Variants in AADACL2 observed in about 807,000 individuals in gnomAD.
AADACL2 encodes the protein arylacetamide deacetylase like 2.
A neutral mutation model predicts 22.3 loss-of-function variants in AADACL2; 23 were observed. The ratio of observed to expected loss-of-function variants is 1.03; its 90% confidence interval spans 0.74 to 1.46. The LOEUF is 1.46. Ranked by LOEUF, AADACL2 falls within the 40% of genes most tolerant of loss-of-function variation. The pLI is 0.00. For missense variants in AADACL2, 472 were observed against 482.9 expected (o/e 0.98, Z 0.21); for synonymous variants, 177 against 166.2 (o/e 1.07, Z -0.50).
intron 4 of AADACL2, among the ~76,000 whole-genome samples, chr3:151,746,123 G>C (rs556727979): frequency 6.6e-6 from 1 of 151,976 alleles, no homozygotes; most frequent in South Asian, 2.1e-4. Context: ...CAATTTCTCA[G>C]CAATATTTTA....
At chr3:151,752,885 G>A (rs1320890984) in intron 4 of AADACL2, among the ~76,000 whole-genome samples, 1 of 151,962 alleles carries the variant, frequency 6.6e-6, no homozygotes, top group Non-Finnish European at 1.5e-5. Context: ...TGTATCATTT[G>A]TCATAAGGTG....
chr3:151,734,266 A>G (rs1713020615), intron 1 of AADACL2, 93 bp downstream of exon 1: 2 of 1,331,626 alleles, frequency 1.5e-6, no homozygotes, highest in Non-Finnish European at 2.0e-6. Context: ...TAGTATTAAT[A>G]TCACCATTTT....
At chr3:151,741,042 G>A (rs958344084) in intron 2 of AADACL2, among the ~76,000 whole-genome samples, 174 bp downstream of exon 2, 2 of 152,090 alleles carry the variant, frequency 1.3e-5, no homozygotes, top group Non-Finnish European at 2.9e-5. Flanking sequence ...ATAGACATAT[G>A]TTTGGCAACT....
chr3:151,756,561 A>G (rs1488937024), intron 4 of AADACL2, among the ~76,000 whole-genome samples: 1 of 152,004 alleles, frequency 6.6e-6, no homozygotes, highest in Non-Finnish European at 1.5e-5. Context: ...ATGATTTAAT[A>G]GCTATATTTA....
Position 151,734,161 on chromosome 3 carries a change from T to C in AADACL2, c.126T>C (p.Thr42=). 1 of 1,613,156 alleles carries C rather than the reference T, an allele frequency of 6.2e-7. No individual in the cohort carries two copies. The highest frequency in any genetic ancestry group is 8.5e-7 in the Non-Finnish European group (1 of 1,179,538). The change falls in exon 1 of 5, where the codon ACT becomes ACC. Residue 42 remains threonine, a synonymous_variant. Transcript: ENST00000356517. ...TGGCCTTGGATGCCATCGCTAAAAC[T>C]TGTACATTTACGGTAAGGTTAACAT... ...KIMALDAIAK[T]CTFTAMCFEN...
Position 151,740,719 on chromosome 3 carries a change from C to G in AADACL2, c.212C>G (p.Thr71Ser). 6.2e-7 allele frequency: 1 copy of G among 1,613,748 alleles called. No homozygotes were observed. Among genetic ancestry groups the G allele is most frequent in the Non-Finnish European group, 8.5e-7 (1 of 1,179,848 alleles). ...FISMIFRLDY[T>S]QPLSDEYITV... The stretch of plus-strand genomic sequence containing the variant: ...TCCATGATATTCAGGCTGGATTATA[C>G]CCAACCACTTTCAGATGAATACATC... The change falls in exon 2 of 5, where the codon ACC (threonine) becomes AGC (serine). Residue 71 changes from threonine (T) to serine (S), a missense_variant. Coordinates refer to ENST00000356517, the MANE Select transcript of AADACL2 (RefSeq NM_207365.4).
intron 4 of AADACL2, among the ~76,000 whole-genome samples, chr3:151,754,200 A>G (rs565633752): frequency 3.9e-5 from 6 of 152,264 alleles, no homozygotes; most frequent in African/African-American, 1.2e-4. Context: ...TGCGAATGAA[A>G]AAAACTGATG....
At chr3:151,740,007 C>T (rs891220321) in intron 1 of AADACL2, among the ~76,000 whole-genome samples, 5 of 152,160 alleles carry the variant, frequency 3.3e-5, no homozygotes, top group Admixed American at 6.5e-5. Flanking sequence ...GCCCCCTTTC[C>T]AGGGGAGTGA....
In AADACL2 at chr3:151,758,916, T is replaced by C. The variant is rs1377742415; in HGVS notation, c.*1322T>C. 1.3e-5 allele frequency: 2 copies of C among 152,126 alleles called. No homozygotes were observed. The highest frequency in any genetic ancestry group is 4.8e-5 in the African/African-American group (2 of 41,442). The allele number at this position is 152,126 out of a possible 1,614,324, so 9.4% of individuals were successfully genotyped here. ...AGTTGGGACCAGACATTTTTCTCAA[T>C]TCTCCATGATTCAGAAGGCAATTAA... is the stretch of plus-strand genomic sequence containing the variant. On this transcript the variant is annotated 3_prime_UTR_variant, in exon 5 of 5. Coordinates refer to ENST00000356517, the MANE Select transcript of AADACL2 (RefSeq NM_207365.4).
chr3:151,742,245 G>T (rs1369390810), intron 2 of AADACL2, among the ~76,000 whole-genome samples: 1 of 150,968 alleles, frequency 6.6e-6, no homozygotes, highest in African/African-American at 2.4e-5. Context: ...TGTGATCTTT[G>T]TTTTTCAACA....
chr3:151,742,911 A>G (rs575425629), intron 2 of AADACL2, among the ~76,000 whole-genome samples: 1 of 152,200 alleles, frequency 6.6e-6, no homozygotes, highest in African/African-American at 2.4e-5. Context: ...ATGCCAGCTG[A>G]TTCTCCATAT....
chr3:151,748,163 G>T (rs1713523013), intron 4 of AADACL2, among the ~76,000 whole-genome samples: 1 of 151,870 alleles, frequency 6.6e-6, no homozygotes, highest in Non-Finnish European at 1.5e-5. Flanking sequence ...TGTACTTTTG[G>T]AGTCATACCT....
intron 4 of AADACL2, among the ~76,000 whole-genome samples, chr3:151,752,363 T>G (rs987646307): frequency 1.1e-4 from 17 of 152,230 alleles, no homozygotes; most frequent in African/African-American, 4.1e-4. Flanking sequence ...TACATTACCC[T>G]GTCATTTTCT....
rs1428506154 is a variant in AADACL2 at position 151,745,826 on chromosome 3, A to G, written c.603+146A>G. ...TAGCACTTGAGTAAACATTTATTTA[A>G]CCTTAATGTGACTATTTCTGGATTA... On this transcript the variant is annotated intron_variant, in intron 4 of 4. Transcript: ENST00000356517. 5 of 858,170 alleles carry G rather than the reference A, an allele frequency of 5.8e-6. No homozygotes were observed. In the Admixed American group the frequency reaches 1.0e-4, roughly 17 times the overall value. 53.2% of individuals were successfully genotyped at this position (858,170 alleles called of 1,614,324 possible).
Position 151,757,426 on chromosome 3 carries a change from T to C in AADACL2, c.1038T>C (p.Asp346=). ...LTCQHDLLRD[D]GLMYVTRLRN... ...GTCAACATGATCTCTTAAGAGATGA[T>C]GGACTTATGTATGTTACAAGACTTC... Residue 346 remains aspartate (D), a synonymous_variant, in exon 5 of 5, where the codon GAT becomes GAC. Coordinates refer to ENST00000356517, the MANE Select transcript of AADACL2 (RefSeq NM_207365.4). 1 of 1,613,700 alleles carries C rather than the reference T, an allele frequency of 6.2e-7. No homozygotes were observed. The highest frequency in any genetic ancestry group is 2.2e-5 in the East Asian group (1 of 44,860).
intron 1 of AADACL2, among the ~76,000 whole-genome samples, chr3:151,737,318 C>T (rs560322002): frequency 6.0e-5 from 9 of 151,176 alleles, no homozygotes; most frequent in African/African-American, 1.7e-4. Context: ...TGCTGTGGTC[C>T]GAGAGACTTT....
chr3:151,757,132 A>T lies in AADACL2; in HGVS notation c.744A>T (p.Lys248Asn), dbSNP rs1331061437. 1.9e-6 allele frequency: 3 copies of T among 1,613,398 alleles called. No individual in the cohort carries two copies. In the Admixed American group the frequency reaches 5.0e-5, roughly 27 times the overall value. ...GIVLTRDVAIKLVSLYFTKDE... is the reference protein window; with the variant it reads ...GIVLTRDVAINLVSLYFTKDE... Reference sequence around the variant, plus strand: ...TTTTGACCAGGGATGTAGCCATAAAACTCGTGAGCTTATATTTCACCAAGG... The same window carrying T: ...TTTTGACCAGGGATGTAGCCATAAATCTCGTGAGCTTATATTTCACCAAGG... Residue 248 changes from lysine to asparagine, a missense_variant, in exon 5 of 5, where the codon AAA becomes AAT. This residue lies in a region of AADACL2 where 356 missense variants were observed against 365.5 expected (regional missense o/e 0.97). Transcript: ENST00000356517.
intron 2 of AADACL2, 81 bp from the exon 3 acceptor site, chr3:151,744,012 T>A: frequency 6.9e-7 from 1 of 1,448,584 alleles, no homozygotes; most frequent in Non-Finnish European, 9.6e-7. Flanking sequence ...AAACCACAGT[T>A]ATTTCCACAT....
At chr3:151,744,447 A>G (rs1165761065) in intron 3 of AADACL2, among the ~76,000 whole-genome samples, 1 of 152,106 alleles carries the variant, frequency 6.6e-6, no homozygotes, top group African/African-American at 2.4e-5. Context: ...CCCAAGTAAC[A>G]CAGCTGGACA....
Sources: allele counts gnomAD v4.1 joint callset (sites outside exome capture counted in the v4.1 genomes callset), GRCh38; gene constraint gnomAD v4.1.1; regional missense constraint gnomAD v4.1.1; transcripts MANE v1.5; gene names NCBI Gene and HGNC (gene_info 2026-07-23, HGNC 2026-07-21).